STK24: variants seen among roughly 807,000 people sequenced by gnomAD.
The protein encoded by STK24 is serine/threonine-protein kinase 24.
STK24 carries 21 observed loss-of-function variants against 55.6 expected under a neutral mutation model. The observed-to-expected ratio is 0.38, with a 90% CI of 0.27 to 0.54. STK24 has a LOEUF of 0.54. Ranked by LOEUF, STK24 falls within the 20% of genes least tolerant of loss-of-function variation. The probability of loss-of-function intolerance (pLI) is 0.79; values close to 1 mark genes in which losing one functional copy is unlikely to be tolerated. For missense variants in STK24, 383 were observed against 538.4 expected, an observed-to-expected ratio of 0.71 and a Z score of 2.86; for synonymous variants, 200 against 215.2, an observed-to-expected ratio of 0.93 and a Z score of 0.62.
intron 2 of STK24, among the ~76,000 whole-genome samples, chr13:98,495,497 T>C (rs1895217709): frequency 1.3e-5 from 2 of 152,260 alleles, no homozygotes; most frequent in African/African-American, 4.8e-5. Flanking sequence ...TTTTAAATTA[T>C]AGGTAACATT....
intron 1 of STK24, among the ~76,000 whole-genome samples, chr13:98,555,694 T>G (rs1897272019): frequency 6.8e-6 from 1 of 146,762 alleles, no homozygotes; most frequent in African/African-American, 2.5e-5. Flanking sequence ...TTTTTTTTTT[T>G]TTTTGAGATG....
At chr13:98,540,289 A>G (rs1367164509) in intron 1 of STK24, among the ~76,000 whole-genome samples, 1 of 152,252 alleles carries the variant, frequency 6.6e-6, no homozygotes, top group Non-Finnish European at 1.5e-5. Context: ...TGCTAGCTGC[A>G]CCATTCAGTA....
At chr13:98,475,112 C>A in intron 4 of STK24, 134 bp from the exon 5 acceptor site, 1 of 1,408,502 alleles carries the variant, frequency 7.1e-7, no homozygotes, top group Non-Finnish European at 9.5e-7. Flanking sequence ...TTTGTCAGAC[C>A]CCCTCAAAGC....
chr13:98,535,364 A>C (rs1356320254), intron 1 of STK24, among the ~76,000 whole-genome samples: 2 of 41,338 alleles, frequency 4.8e-5, no homozygotes, highest in African/African-American at 1.5e-4. Context: ...AAACAAACAA[A>C]AAAAAAATAT....
intron 1 of STK24, among the ~76,000 whole-genome samples, chr13:98,521,183 C>A (rs902604017): frequency 1.3e-5 from 2 of 152,200 alleles, no homozygotes; most frequent in African/African-American, 2.4e-5. Flanking sequence ...ACACAAACAT[C>A]CACTGTGTTA....
chr13:98,497,766 G>C (rs1187074278), intron 2 of STK24, among the ~76,000 whole-genome samples: 1 of 152,246 alleles, frequency 6.6e-6, no homozygotes, highest in African/African-American at 2.4e-5. Context: ...CCCTGGCGCA[G>C]AGCTGGGTGG....
At chr13:98,473,593 G>C (rs186046832) in intron 5 of STK24, among the ~76,000 whole-genome samples, 25 of 152,142 alleles carry the variant, frequency 1.6e-4, no homozygotes, top group Non-Finnish European at 2.9e-5. Flanking sequence ...CCTCCCACGT[G>C]GGGTAGAGAC....
chr13:98,513,070 C>T (rs1036210050), intron 2 of STK24, among the ~76,000 whole-genome samples: 9 of 152,214 alleles, frequency 5.9e-5, no homozygotes, highest in African/African-American at 9.6e-5. Flanking sequence ...CTGAGTTATC[C>T]GCCTTCCCAG....
At chr13:98,556,458 G>C (rs1480663438) in intron 1 of STK24, among the ~76,000 whole-genome samples, 2 of 152,186 alleles carry the variant, frequency 1.3e-5, no homozygotes, top group African/African-American at 2.4e-5. Flanking sequence ...GTGAGCAGAT[G>C]AATCTCCCCT....
At chr13:98,474,416 A>G (rs952724012) in intron 5 of STK24, among the ~76,000 whole-genome samples, 4 of 152,166 alleles carry the variant, frequency 2.6e-5, no homozygotes, top group Non-Finnish European at 5.9e-5. Flanking sequence ...AGGCCCCTTC[A>G]AGGTTGCCGA....
chr13:98,457,468 T>A (rs1283252687), intron 9 of STK24, among the ~76,000 whole-genome samples, 164 bp from the exon 10 acceptor site: 1 of 83,082 alleles, frequency 1.2e-5, no homozygotes, highest in African/African-American at 4.0e-5. Context: ...CAAATTGCTT[T>A]TTTTTTTTTT....
intron 1 of STK24, among the ~76,000 whole-genome samples, chr13:98,576,514 G>A (rs1897897598): frequency 6.6e-6 from 1 of 152,092 alleles, no homozygotes; most frequent in Non-Finnish European, 1.5e-5. Context: ...TCCGGACCCA[G>A]GCCGCGGTTC....
chr13:98,461,054 A>G (rs201641248), intron 8 of STK24, among the ~76,000 whole-genome samples: 12 of 143,664 alleles, frequency 8.4e-5, no homozygotes, highest in African/African-American at 2.1e-4. Context: ...AAAAAAAAAA[A>G]AGAGAGAGAG....
intron 1 of STK24, among the ~76,000 whole-genome samples, chr13:98,543,674 G>C (rs1321113187): frequency 6.6e-6 from 1 of 152,180 alleles, no homozygotes; most frequent in Non-Finnish European, 1.5e-5. Flanking sequence ...CTACTCCCAA[G>C]TGGCCCCCAA....
At chr13:98,505,449 G>A (rs1793378620) in intron 2 of STK24, among the ~76,000 whole-genome samples, 1 of 152,240 alleles carries the variant, frequency 6.6e-6, no homozygotes, top group South Asian at 2.1e-4. Context: ...GTATGTAAAT[G>A]AAGACTGCAG....
chr13:98,529,965 G>A (rs747922662), intron 1 of STK24, among the ~76,000 whole-genome samples: 1 of 152,158 alleles, frequency 6.6e-6, no homozygotes, highest in African/African-American at 2.4e-5. Flanking sequence ...GCAGGGCCCA[G>A]GAAAGAAGGC....
At chr13:98,539,209 C>T (rs1896819984) in intron 1 of STK24, among the ~76,000 whole-genome samples, 1 of 152,230 alleles carries the variant, frequency 6.6e-6, no homozygotes, top group East Asian at 1.9e-4. Flanking sequence ...ACAATACTAA[C>T]ATCCTCCAAG....
chr13:98,539,849 C>G (rs931382861), intron 1 of STK24, among the ~76,000 whole-genome samples: 2 of 152,084 alleles, frequency 1.3e-5, no homozygotes, highest in Admixed American at 6.6e-5. Context: ...AAAAACCTAC[C>G]CTCTAACCCA....
At chr13:98,475,736 G>A (rs914589431) in intron 3 of STK24, among the ~76,000 whole-genome samples, 14 of 152,284 alleles carry the variant, frequency 9.2e-5, no homozygotes, top group African/African-American at 3.4e-4. Flanking sequence ...TGACCTCAGG[G>A]TGCCCCTCTG....
Sources: allele counts gnomAD v4.1 joint callset (sites outside exome capture counted in the v4.1 genomes callset), GRCh38; gene constraint gnomAD v4.1.1; transcripts MANE v1.5; gene names NCBI Gene and HGNC (gene_info 2026-07-23, HGNC 2026-07-21).